The following OPHN1 variants were observed in gnomAD, a reference collection of about 807,000 sequenced individuals.
OPHN1 encodes the protein oligophrenin 1.
OPHN1 carries 11 observed loss-of-function variants against 60.7 expected under a neutral mutation model. The observed-to-expected ratio is 0.18, with a 90% confidence interval of 0.11 to 0.30. The LOEUF (loss-of-function observed/expected upper bound fraction) is 0.30, where lower values mean the gene tolerates loss of function less well. Ranked by LOEUF, OPHN1 falls within the 10% of genes least tolerant of loss-of-function variation. OPHN1 has a pLI of 1.00. For missense variants in OPHN1, 449 were observed against 611.0 expected (o/e 0.73, Z 2.80); for synonymous variants, 226 against 222.6 (o/e 1.02, Z -0.14).
intron 2 of OPHN1, among the ~76,000 whole-genome samples, chrX:68,352,032 G>A (rs1468445560): frequency 1.9e-5 from 2 of 107,977 alleles, no homozygotes; most frequent in Non-Finnish European, 3.8e-5. Context: ...GCCCGCCACC[G>A]CGCCCGGCTA....
At chrX:68,422,631 AAAGG>A (rs1555986455) in intron 2 of OPHN1, among the ~76,000 whole-genome samples, 8 of 97,139 alleles carry the variant, frequency 8.2e-5, no homozygotes, top group Admixed American at 2.2e-4. Flanking sequence ...AAAGAAAGAA[AAAGG>A]AAGGAAGGAA....
intron 5 of OPHN1, among the ~76,000 whole-genome samples, chrX:68,265,482 G>T (rs1290963142): frequency 8.9e-6 from 1 of 111,902 alleles, no homozygotes; most frequent in African/African-American, 3.2e-5. Context: ...CTGTTACAAG[G>T]AAAACTAACA....
At chrX:68,392,502 G>A (rs1008979458) in intron 2 of OPHN1, among the ~76,000 whole-genome samples, 1 of 109,954 alleles carries the variant, frequency 9.1e-6, no homozygotes, top group Non-Finnish European at 1.9e-5. Context: ...ATACACACAG[G>A]AGACAGGCAA....
At chrX:68,329,716 A>C (rs1419967223) in intron 2 of OPHN1, among the ~76,000 whole-genome samples, 1 of 111,928 alleles carries the variant, frequency 8.9e-6, no homozygotes, top group Admixed American at 9.5e-5. Flanking sequence ...ATATACCTCT[A>C]TCTCCTTGTT....
At chrX:68,334,728 C>T (rs1397073922) in intron 2 of OPHN1, among the ~76,000 whole-genome samples, 1 of 110,986 alleles carries the variant, frequency 9.0e-6, no homozygotes, top group Non-Finnish European at 1.9e-5. Flanking sequence ...GTAATCCCAG[C>T]ACTTTGGGAG....
At chrX:68,102,501 A>T (rs2077063826) in intron 18 of OPHN1, among the ~76,000 whole-genome samples, 1 of 111,779 alleles carries the variant, frequency 8.9e-6, no homozygotes. Flanking sequence ...AAAAGCTAGC[A>T]GAACACAAGA....
rs1450515636 is a variant in OPHN1, at chrX:68,064,135, C to T, written c.1877G>A (p.Ser626Asn). The T allele has an allele frequency of 3.3e-6, 4 of 1,208,724 alleles. No individual in the cohort carries two copies. The highest frequency in any genetic ancestry group is 3.4e-6 in the Non-Finnish European group (3 of 894,787). Residue 626 changes from serine (S) to asparagine (N), a missense_variant, in exon 21 of 25, where the codon AGC (serine) becomes AAC (asparagine). By Grantham distance (46) the Ser-to-Asn change is conservative (BLOSUM62 1). Around this residue, in one of 4 missense-constraint regions of OPHN1, gnomAD observed 184 missense variants for 160.5 expected, o/e 1.15. Transcript: ENST00000355520. ...HQTPNGTITS[S>N]IEPPKPPQHP... Reference sequence around the variant, plus strand: ...TTGTGGTGGCTTGGGGGGTTCTATGCTGCTGGTGATAGTACCATTCGGTGT... The same window carrying T: ...TTGTGGTGGCTTGGGGGGTTCTATGTTGCTGGTGATAGTACCATTCGGTGT...
At chrX:68,226,469 G>A (rs1351446823) in intron 6 of OPHN1, among the ~76,000 whole-genome samples, 1 of 111,190 alleles carries the variant, frequency 9.0e-6, no homozygotes, top group Non-Finnish European at 1.9e-5. Context: ...AATGTTAAGG[G>A]CAGCCAGAGA....
At position 68,279,670 on chromosome X, in the gene OPHN1, A is replaced by G. The variant is rs1729304254; in HGVS notation, c.312+3386T>C. Among the ~76,000 whole-genome samples the G allele has an allele frequency of 4.5e-5, 5 of 111,745 alleles. No individual in the cohort carries two copies. The Admixed American group carries it at 4.8e-4, about 11-fold the overall frequency. ...CTTTTGCTACAAAGCCAGGAAATGG[A>G]AAAGTTATAATCAAGCAATGAATTC... is the stretch of plus-strand genomic sequence containing the variant. On this transcript the variant is annotated intron_variant, in intron 4 of 24. Transcript: ENST00000355520.
At chrX:68,267,675 T>C (rs1204528146) in intron 5 of OPHN1, among the ~76,000 whole-genome samples, 2 of 110,970 alleles carry the variant, frequency 1.8e-5, no homozygotes, top group African/African-American at 6.5e-5. Flanking sequence ...AAATAGTTAA[T>C]GAAGATCAGA....
chrX:68,153,395 T>C (rs2077294741), intron 15 of OPHN1, among the ~76,000 whole-genome samples: 1 of 110,940 alleles, frequency 9.0e-6, no homozygotes. Context: ...TGGTGAGTTT[T>C]GGTAGAGCTG....
At chrX:68,340,687 GA>G (rs139567765) in intron 2 of OPHN1, among the ~76,000 whole-genome samples, 5 of 109,462 alleles carry the variant, frequency 4.6e-5, no homozygotes, top group South Asian at 7.7e-4. Context: ...AGGAACAAGA[GA>G]AAAAAAAATA....
intron 6 of OPHN1, among the ~76,000 whole-genome samples, chrX:68,232,420 C>A (rs2077733072): frequency 9.0e-6 from 1 of 110,842 alleles, no homozygotes; most frequent in Non-Finnish European, 1.9e-5. Flanking sequence ...GTGGTGTCAC[C>A]CAAGACACAT....
intron 19 of OPHN1, among the ~76,000 whole-genome samples, chrX:68,079,304 A>G (rs754446624): frequency 4.5e-5 from 5 of 111,690 alleles, no homozygotes; most frequent in African/African-American, 1.6e-4. Context: ...TACACTTTCC[A>G]GACAGTTAAG....
intron 6 of OPHN1, among the ~76,000 whole-genome samples, chrX:68,232,959 G>A (rs1453664352): frequency 2.1e-5 from 2 of 96,013 alleles, no homozygotes; most frequent in African/African-American, 4.0e-5. Flanking sequence ...ACAGAGTTTC[G>A]TTCTTGTCAC....
At chrX:68,262,063 A>C (rs1231305283) in intron 5 of OPHN1, among the ~76,000 whole-genome samples, 1 of 112,005 alleles carries the variant, frequency 8.9e-6, no homozygotes, top group Non-Finnish European at 1.9e-5. Flanking sequence ...TATTATTTAA[A>C]ATAACAGAAG....
intron 2 of OPHN1, among the ~76,000 whole-genome samples, chrX:68,317,462 AGAGGAG>A (rs750754648): frequency 6.3e-5 from 6 of 95,123 alleles, no homozygotes; most frequent in Non-Finnish European, 1.3e-4. Flanking sequence ...AAGAAGAAGA[AGAGGAG>A]GAGGAGGAGG....
intron 2 of OPHN1, among the ~76,000 whole-genome samples, chrX:68,367,864 C>T (rs755517663): frequency 1.8e-5 from 2 of 111,456 alleles, no homozygotes; most frequent in East Asian, 5.7e-4. Context: ...TGTCTTCGGT[C>T]ATGATTGTAA....
At chrX:68,317,372 A>AAAGAAAGAAAGAAAGAAAGAAAGG (rs2078206810) in intron 2 of OPHN1, among the ~76,000 whole-genome samples, 1 of 63,391 alleles carries the variant, frequency 1.6e-5, no homozygotes, top group African/African-American at 8.8e-5. Context: ...AGAAAGAAAG[A>AAAGAAAGAAAGAAAGAAAGAAAGG]AAGAAAGGAA....
Sources: gnomAD v4.1 joint callset for allele counts (sites outside exome capture counted in the v4.1 genomes callset) on GRCh38, gnomAD v4.1.1 for gene constraint, gnomAD v4.1.1 regional missense constraint, MANE v1.5 for transcripts, NCBI Gene and HGNC (gene_info 2026-07-23, HGNC 2026-07-21) for gene names.